The following GRID1 variants were observed in gnomAD, a reference collection of about 807,000 sequenced individuals.
GRID1 encodes glutamate receptor ionotropic, delta-1.
GRID1 carries 28 observed loss-of-function variants against 98.0 expected under a neutral mutation model. The observed-to-expected ratio is 0.29, with a 90% CI of 0.21 to 0.39. The LOEUF (loss-of-function observed/expected upper bound fraction) is 0.39. Among genes scored for constraint, GRID1 ranks in the 10% least tolerant of loss-of-function variants. The probability of loss-of-function intolerance (pLI) is 1.00; values close to 1 mark genes in which losing one functional copy is unlikely to be tolerated. For missense variants in GRID1, 1,111 were observed against 1,340.5 expected (o/e 0.83, Z 2.67); for synonymous variants, 553 against 538.5 (o/e 1.03, Z -0.37).
intron 6 of GRID1, among the ~76,000 whole-genome samples, chr10:85,859,832 C>T (rs377105402): frequency 1.5e-4 from 23 of 152,202 alleles, no homozygotes; most frequent in Middle Eastern, 3.4e-3. Context: ...GGTGGGGATG[C>T]GGAGGGTAGG....
At chr10:86,140,001 G>C (rs1393193806) in intron 3 of GRID1, among the ~76,000 whole-genome samples, 2 of 152,208 alleles carry the variant, frequency 1.3e-5, no homozygotes, top group Non-Finnish European at 2.9e-5. Context: ...CTGAGAGTGA[G>C]ACACGGTCCT....
At chr10:85,754,006 ATTCTT>A (rs937176860) in intron 8 of GRID1, among the ~76,000 whole-genome samples, 8 of 152,236 alleles carry the variant, frequency 5.3e-5, no homozygotes, top group African/African-American at 9.6e-5. Flanking sequence ...TAAAGCTTAA[ATTCTT>A]TTCTTAAGTT....
At chr10:86,105,306 C>A (rs1199715573) in intron 4 of GRID1, among the ~76,000 whole-genome samples, 1 of 152,146 alleles carries the variant, frequency 6.6e-6, no homozygotes, top group Non-Finnish European at 1.5e-5. Flanking sequence ...CTGGAGTGTG[C>A]CCACCACAGA....
intron 4 of GRID1, among the ~76,000 whole-genome samples, chr10:86,051,360 G>A (rs1289790965): frequency 6.1e-5 from 9 of 146,998 alleles, no homozygotes; most frequent in Admixed American, 6.1e-4. Flanking sequence ...GTTTAAAATG[G>A]AACCATAAAA....
chr10:85,823,408 G>A (rs965742484), intron 8 of GRID1, among the ~76,000 whole-genome samples: 1 of 151,710 alleles, frequency 6.6e-6, no homozygotes, highest in African/African-American at 2.4e-5. Flanking sequence ...GAAATAATTA[G>A]AATCTAATTA....
At chr10:86,283,701 TCA>T (rs1847388036) in intron 2 of GRID1, among the ~76,000 whole-genome samples, 1 of 149,668 alleles carries the variant, frequency 6.7e-6, no homozygotes, top group Non-Finnish European at 1.5e-5. Flanking sequence ...ACATCTGCCC[TCA>T]CACACAACAG....
At chr10:86,363,518 C>T (rs568492786) in intron 2 of GRID1, among the ~76,000 whole-genome samples, 122 of 152,324 alleles carry the variant, frequency 8.0e-4, no homozygotes, top group African/African-American at 2.8e-3. Context: ...CGCTCCTCAC[C>T]TCGAAGCGAG....
chr10:85,718,519 C>T (rs1056197684), intron 12 of GRID1, among the ~76,000 whole-genome samples: 3 of 152,262 alleles, frequency 2.0e-5, no homozygotes, highest in Non-Finnish European at 4.4e-5. Flanking sequence ...GGCAGAGGTT[C>T]CTGAACCTCA....
chr10:85,859,833 G>A (rs778001684), intron 6 of GRID1, among the ~76,000 whole-genome samples: 12 of 152,144 alleles, frequency 7.9e-5, no homozygotes, highest in Non-Finnish European at 1.2e-4. Context: ...GTGGGGATGC[G>A]GAGGGTAGGA....
chr10:86,231,405 C>G (rs57137179), intron 2 of GRID1, among the ~76,000 whole-genome samples: 6,065 of 152,246 alleles, frequency 0.04, 319 homozygotes, highest in African/African-American at 0.11. Context: ...GACAGAGGCT[C>G]TGGCTCTAAT....
At chr10:86,166,252 G>A (rs529357829) in intron 3 of GRID1, among the ~76,000 whole-genome samples, 2 of 152,264 alleles carry the variant, frequency 1.3e-5, no homozygotes, top group East Asian at 3.9e-4. Context: ...TACGATCAGA[G>A]TGAACAGGGA....
intron 2 of GRID1, among the ~76,000 whole-genome samples, chr10:86,299,197 C>CTTTTTT (rs58078110): frequency 1.4e-5 from 2 of 141,768 alleles, no homozygotes; most frequent in Non-Finnish European, 1.5e-5. Context: ...AATAAGATTT[C>CTTTTTT]TTTTTTTTTT....
chr10:86,092,738 A>G (rs1844167207), intron 4 of GRID1, among the ~76,000 whole-genome samples: 2 of 152,186 alleles, frequency 1.3e-5, no homozygotes, highest in South Asian at 4.1e-4. Context: ...TTTATAAAAC[A>G]ATTACTAATA....
At chr10:85,859,297 G>A (rs562502417) in intron 6 of GRID1, among the ~76,000 whole-genome samples, 1 of 152,140 alleles carries the variant, frequency 6.6e-6, no homozygotes, top group South Asian at 2.1e-4. Context: ...GGATAGATGA[G>A]TGTGTAGATG....
intron 2 of GRID1, among the ~76,000 whole-genome samples, chr10:86,212,263 T>G (rs1846117850): frequency 6.6e-6 from 1 of 152,164 alleles, no homozygotes; most frequent in Non-Finnish European, 1.5e-5. Context: ...GAGGCATCGC[T>G]CCGCAGGCTT....
chr10:86,094,673 G>A (rs182085582), intron 4 of GRID1, among the ~76,000 whole-genome samples: 14 of 152,086 alleles, frequency 9.2e-5, no homozygotes, highest in African/African-American at 3.4e-4. Flanking sequence ...GGAAAACACT[G>A]CCGAAAGAAA....
At chr10:85,921,198 A>G (rs1278642723) in intron 4 of GRID1, among the ~76,000 whole-genome samples, 10 of 152,200 alleles carry the variant, frequency 6.6e-5, no homozygotes, top group African/African-American at 2.4e-4. Flanking sequence ...CCAGGGGTAA[A>G]AGGCACAGCT....
intron 2 of GRID1, among the ~76,000 whole-genome samples, chr10:86,315,775 T>A (rs4934179): frequency 0.57 from 86,121 of 151,448 alleles, 27,466 homozygotes; most frequent in Non-Finnish European, 0.7. Flanking sequence ...CCACTCACAC[T>A]CTATCAACCC....
At chr10:86,081,025 G>A (rs1320697941) in intron 4 of GRID1, among the ~76,000 whole-genome samples, 1 of 152,186 alleles carries the variant, frequency 6.6e-6, no homozygotes, top group Non-Finnish European at 1.5e-5. Flanking sequence ...ACTGACAAGG[G>A]AGAGGAGGAG....
Sources: allele counts gnomAD v4.1 joint callset (sites outside exome capture counted in the v4.1 genomes callset), GRCh38; gene constraint gnomAD v4.1.1; transcripts MANE v1.5; gene names NCBI Gene and HGNC (gene_info 2026-07-23, HGNC 2026-07-21).